Variants in TJP1 observed in about 807,000 individuals in gnomAD.
TJP1 encodes tight junction protein ZO-1.
In TJP1, 43 loss-of-function variants were observed where a neutral mutation model predicts 194.2. The observed-to-expected ratio is 0.22, with a 90% CI of 0.17 to 0.29. The LOEUF is 0.29. Among genes scored for constraint, TJP1 ranks in the 10% least tolerant of loss-of-function variants. The probability of loss-of-function intolerance (pLI) is 1.00; values close to 1 mark genes in which losing one functional copy is unlikely to be tolerated. For synonymous variants in TJP1, 801 were observed against 779.0 expected (o/e 1.03, Z -0.47); for missense variants, 1,971 against 2,185.7 (o/e 0.90, Z 1.96).
In TJP1 at chr15:29,710,824, T is replaced by C; in HGVS notation, c.4372+7A>G. 6.2e-7 allele frequency: 1 copy of C among 1,613,922 alleles called. No individual in the cohort carries two copies. Among genetic ancestry groups the C allele is most frequent in the Non-Finnish European group, 8.5e-7 (1 of 1,180,042 alleles). Reference sequence around the variant, plus strand: ...TGTGTTAAAATGTCTACTTCCGAACTTCCTACCTTCACCATGTGCTCCCTT... The same window carrying C: ...TGTGTTAAAATGTCTACTTCCGAACCTCCTACCTTCACCATGTGCTCCCTT... On this transcript the variant is annotated splice_region_variant and intron_variant, in intron 24 of 27. Transcript: ENST00000614355.
intron 2 of TJP1, among the ~76,000 whole-genome samples, chr15:29,907,278 G>A (rs537657423): frequency 5.3e-5 from 8 of 151,688 alleles, no homozygotes; most frequent in East Asian, 2.0e-4. Context: ...GGGTGGTGGC[G>A]GGCGCCTGTA....
intron 25 of TJP1, among the ~76,000 whole-genome samples, chr15:29,706,437 CT>C (rs1047453039): frequency 6.6e-6 from 1 of 151,898 alleles, no homozygotes; most frequent in Non-Finnish European, 1.5e-5. Context: ...AAATCGGAAA[CT>C]TTTTTTTGAG....
At chr15:29,753,344 C>T (rs184465275) in intron 8 of TJP1, among the ~76,000 whole-genome samples, 10 of 151,818 alleles carry the variant, frequency 6.6e-5, no homozygotes, top group Admixed American at 3.9e-4. Context: ...ATTAGCCAGG[C>T]GTGGTGGCGG....
chr15:29,904,877 C>G (rs1365279928), intron 2 of TJP1, among the ~76,000 whole-genome samples: 1 of 152,056 alleles, frequency 6.6e-6, no homozygotes, highest in East Asian at 1.9e-4. Flanking sequence ...GGGAAGAAAG[C>G]CAGGTGAAGA....
chr15:29,714,985 C>T (rs1417495217), intron 23 of TJP1, among the ~76,000 whole-genome samples: 2 of 152,160 alleles, frequency 1.3e-5, no homozygotes, highest in Non-Finnish European at 2.9e-5. Flanking sequence ...CTAAAGGGTA[C>T]ACCCTTCTGC....
chr15:29,932,697 A>G (rs1298431577), intron 2 of TJP1, among the ~76,000 whole-genome samples: 1 of 152,190 alleles, frequency 6.6e-6, no homozygotes, highest in African/African-American at 2.4e-5. Context: ...TCCAGTGTAT[A>G]TTACCATCAA....
chr15:29,724,435 A>G (rs2043123419), intron 18 of TJP1, among the ~76,000 whole-genome samples: 1 of 152,242 alleles, frequency 6.6e-6, no homozygotes, highest in Admixed American at 6.5e-5. Context: ...GTAGCCAGTC[A>G]AGGAAATATT....
chr15:29,721,555 T>C (rs1455732997), intron 18 of TJP1, among the ~76,000 whole-genome samples: 2 of 152,072 alleles, frequency 1.3e-5, no homozygotes, highest in Non-Finnish European at 2.9e-5. Flanking sequence ...TATCACAGTG[T>C]GAGAATGGAC....
At chr15:29,865,977 T>C (rs1198291828) in intron 2 of TJP1, among the ~76,000 whole-genome samples, 1 of 152,190 alleles carries the variant, frequency 6.6e-6, no homozygotes, top group Non-Finnish European at 1.5e-5. Context: ...CTGCCCTTGA[T>C]TGTAATGAGA....
chr15:29,908,601 G>A (rs1288776185), intron 2 of TJP1, among the ~76,000 whole-genome samples: 1 of 152,180 alleles, frequency 6.6e-6, no homozygotes, highest in African/African-American at 2.4e-5. Flanking sequence ...TTTGAAGGTG[G>A]GGCACCAGTC....
chr15:29,968,014 A>G (rs2056388824), intron 1 of TJP1: 1 of 955,312 alleles, frequency 1.0e-6, no homozygotes, highest in African/African-American at 1.8e-5. Context: ...TATTAATAAA[A>G]TGCAATATAC....
chr15:29,748,672 A>G (rs1375421703), intron 8 of TJP1, among the ~76,000 whole-genome samples: 1 of 146,172 alleles, frequency 6.8e-6, no homozygotes, highest in Non-Finnish European at 1.5e-5. Flanking sequence ...TCCCAGGCTC[A>G]AGCAATCCTC....
intron 1 of TJP1, among the ~76,000 whole-genome samples, chr15:29,807,863 A>C (rs2049215706): frequency 6.6e-6 from 1 of 152,202 alleles, no homozygotes; most frequent in African/African-American, 2.4e-5. Flanking sequence ...CAGAAAAAAA[A>C]CTTGGTTTCA....
At position 29,779,003 on chromosome 15, in the gene TJP1, T is replaced by C. The variant is rs995131136; in HGVS notation, c.85-5646A>G. On this transcript the variant is annotated intron_variant, in intron 2 of 27. Transcript: ENST00000614355. ...TAAGCCCGCCAAACTTAACCTGTCT[T>C]TTTCATCGCTTACTTCTAGTTGATC... 3.7e-4 allele frequency among the ~76,000 whole-genome samples: 56 copies of C among 152,146 alleles called. 1 individual carries two copies. The highest frequency in any genetic ancestry group is 2.9e-5 in the Non-Finnish European group (2 of 68,032).
At position 29,961,692 on chromosome 15, in the gene TJP1, G is replaced by A. The variant is rs751833331; in HGVS notation, c.174-5328C>T. 4.7e-4 allele frequency among the ~76,000 whole-genome samples: 71 copies of A among 152,190 alleles called. No homozygotes were observed. The Middle Eastern group carries it at 0.01, about 22-fold the overall frequency. On this transcript the variant is annotated intron_variant, in intron 1 of 28. Coordinates refer to the TJP1 transcript ENST00000356107. ...ACACAGACCACAGGCCTGGCCCCTG[G>A]AGGCAGTCCCCCACTTGATCTGCCC...
At chr15:29,789,748 T>C (rs1333404497) in intron 2 of TJP1, among the ~76,000 whole-genome samples, 1 of 152,176 alleles carries the variant, frequency 6.6e-6, no homozygotes, top group Admixed American at 6.5e-5. Flanking sequence ...TATTTGGCAA[T>C]ACAGAGTATC....
intron 5 of TJP1, among the ~76,000 whole-genome samples, chr15:29,762,766 G>A (rs1366038734): frequency 5.3e-5 from 8 of 152,030 alleles, no homozygotes; most frequent in African/African-American, 1.2e-4. Flanking sequence ...AATGATTAAG[G>A]AATACAATTT....
intron 2 of TJP1, among the ~76,000 whole-genome samples, chr15:29,949,390 C>CACCACCACCTCCACA (rs2055457084): frequency 2.3e-5 from 3 of 131,844 alleles, no homozygotes; most frequent in Admixed American, 7.7e-5. Flanking sequence ...CTACCTCCAC[C>CACCACCACCTCCACA]ACCACCACCT....
At chr15:29,798,492 G>T (rs1303530172) in intron 2 of TJP1, among the ~76,000 whole-genome samples, 1 of 152,054 alleles carries the variant, frequency 6.6e-6, no homozygotes, top group Non-Finnish European at 1.5e-5. Flanking sequence ...GAAAAGTTTT[G>T]AATTTTGCAT....
Sources: allele counts gnomAD v4.1 joint callset (sites outside exome capture counted in the v4.1 genomes callset), GRCh38; gene constraint gnomAD v4.1.1; transcripts MANE v1.5; gene names NCBI Gene and HGNC (gene_info 2026-07-23, HGNC 2026-07-21).